RAPGEF1: variants seen among roughly 807,000 people sequenced by gnomAD.
The protein encoded by RAPGEF1 is CRK SH3-binding GNRP.
A neutral mutation model predicts 143.3 loss-of-function variants in RAPGEF1; 33 were observed. The ratio of observed to expected loss-of-function variants is 0.23; its 90% confidence interval spans 0.17 to 0.31. The LOEUF is 0.31. Among genes scored for constraint, RAPGEF1 ranks in the 10% least tolerant of loss-of-function variants. The pLI, the probability that RAPGEF1 is intolerant of heterozygous loss-of-function variation, is 1.00. For synonymous variants in RAPGEF1, 629 were observed against 676.5 expected, an observed-to-expected ratio of 0.93 and a Z score of 1.09; for missense variants, 1,199 against 1,645.4, an observed-to-expected ratio of 0.73 and a Z score of 4.69.
chr9:131,688,449 C>T (rs4740301), intron 1 of RAPGEF1, among the ~76,000 whole-genome samples: 5,441 of 152,284 alleles, frequency 0.036, 211 homozygotes, highest in East Asian at 0.089. Flanking sequence ...TGGTGGCATC[C>T]TTGACTCACT....
At chr9:131,611,797 G>A (rs74682100) in intron 12 of RAPGEF1, among the ~76,000 whole-genome samples, 35 of 152,208 alleles carry the variant, frequency 2.3e-4, no homozygotes, top group Admixed American at 1.6e-3. Flanking sequence ...GCCTCTCAAC[G>A]TCCAGCCTAC....
intron 12 of RAPGEF1, among the ~76,000 whole-genome samples, chr9:131,616,288 A>G (rs981437498): frequency 4.6e-5 from 7 of 152,002 alleles, no homozygotes; most frequent in Non-Finnish European, 1.0e-4. Flanking sequence ...CAAAAAACCA[A>G]AAGCCATGAC....
intron 1 of RAPGEF1, among the ~76,000 whole-genome samples, chr9:131,684,045 A>T (rs1475937244): frequency 6.6e-6 from 1 of 152,238 alleles, no homozygotes; most frequent in Non-Finnish European, 1.5e-5. Flanking sequence ...TCACAATTTA[A>T]CCCATGTTAG....
At chr9:131,624,528 G>C (rs1564553581) in intron 10 of RAPGEF1, among the ~76,000 whole-genome samples, 1 of 152,218 alleles carries the variant, frequency 6.6e-6, no homozygotes, top group African/African-American at 2.4e-5. Context: ...TGTTCTAGGA[G>C]CTGGAAGGGT....
At chr9:131,613,274 G>A (rs1958335027) in intron 12 of RAPGEF1, among the ~76,000 whole-genome samples, 1 of 152,128 alleles carries the variant, frequency 6.6e-6, no homozygotes, top group Admixed American at 6.5e-5. Flanking sequence ...ACAGGGTTGT[G>A]CAGGAAGGAG....
intron 5 of RAPGEF1, among the ~76,000 whole-genome samples, chr9:131,636,979 A>G (rs1966530069): frequency 6.6e-6 from 1 of 152,162 alleles, no homozygotes; most frequent in Non-Finnish European, 1.5e-5. Flanking sequence ...TAATCCCAAC[A>G]TTTTGGGAGG....
At position 131,641,307 on chromosome 9, in the gene RAPGEF1, T is replaced by C. The variant is rs1360584236; in HGVS notation, c.494+1932A>G. 3.9e-5 allele frequency among the ~76,000 whole-genome samples: 6 copies of C among 152,256 alleles called. No homozygotes were observed. Among genetic ancestry groups the C allele is most frequent in the Admixed American group, 3.9e-4 (6 of 15,304 alleles). ...CCCCTCTCGTCCATGCTCTAGGACA[T>C]ATACCCTCTGCCCATGACTGCCCGA... is the stretch of plus-strand genomic sequence containing the variant. On this transcript the variant is annotated intron_variant, in intron 4 of 26. Coordinates refer to ENST00000683357, the MANE Select transcript of RAPGEF1 (RefSeq NM_001377935.1). This position sits in a 1 kb window ranked among gnomAD's most constrained non-coding sequence, Gnocchi z 4.6.
At chr9:131,618,446 T>C (rs1959534319) in intron 12 of RAPGEF1, among the ~76,000 whole-genome samples, 1 of 152,246 alleles carries the variant, frequency 6.6e-6, no homozygotes, top group South Asian at 2.1e-4. Flanking sequence ...AAGTTTTGGG[T>C]GGTTTGTTAT....
intron 12 of RAPGEF1, among the ~76,000 whole-genome samples, chr9:131,613,148 C>T (rs17148102): frequency 0.1 from 15,724 of 152,254 alleles, 1,032 homozygotes; most frequent in East Asian, 0.25. Flanking sequence ...GCTTTTCATC[C>T]TTGTAACAAC....
At chr9:131,704,152 T>A (rs1343901143) in intron 1 of RAPGEF1, among the ~76,000 whole-genome samples, 1 of 151,780 alleles carries the variant, frequency 6.6e-6, no homozygotes, top group African/African-American at 2.4e-5. Flanking sequence ...ATTTGTCTTG[T>A]CTTACTTATT....
chr9:131,587,267 A>AACATACAC (rs1953283556), intron 22 of RAPGEF1, among the ~76,000 whole-genome samples: 1 of 66,098 alleles, frequency 1.5e-5, no homozygotes. Context: ...CTCCATCTCA[A>AACATACAC]ACACACACAC....
At chr9:131,632,133 C>CT (rs751438145) in intron 5 of RAPGEF1, among the ~76,000 whole-genome samples, 14,530 of 144,304 alleles carry the variant, frequency 0.1, 814 homozygotes, top group Middle Eastern at 0.27. Flanking sequence ...GAGACTCTCT[C>CT]TTTTTTTTTT....
intron 1 of RAPGEF1, among the ~76,000 whole-genome samples, chr9:131,716,748 G>A (rs1257073550): frequency 6.6e-5 from 10 of 152,130 alleles, no homozygotes; most frequent in African/African-American, 1.7e-4. Flanking sequence ...ACTCCAGCCC[G>A]GGTGACAGAG....
chr9:131,723,496 G>A (rs12683159), intron 1 of RAPGEF1, among the ~76,000 whole-genome samples: 55,644 of 152,068 alleles, frequency 0.37, 10,470 homozygotes, highest in East Asian at 0.53. Flanking sequence ...TTTGTCTAGC[G>A]TAGGCACCTC....
At chr9:131,698,979 C>G (rs1834415171) in intron 1 of RAPGEF1, among the ~76,000 whole-genome samples, 1 of 152,206 alleles carries the variant, frequency 6.6e-6, no homozygotes, top group Admixed American at 6.5e-5. Context: ...AGCTGATAAT[C>G]AGGACTTCTC....
chr9:131,644,573 T>C (rs1203169647), intron 3 of RAPGEF1, among the ~76,000 whole-genome samples: 2 of 151,992 alleles, frequency 1.3e-5, no homozygotes, highest in East Asian at 1.9e-4. Context: ...AGAAGATAAT[T>C]TCTAGAAAAA....
In RAPGEF1 at chr9:131,582,627, C is replaced by A; in HGVS notation, c.3490G>T (p.Glu1164Ter). The stretch of plus-strand genomic sequence containing the variant: ...CACAGGTACGGGATGCACGGCGGTT[C>A]CACCTCCGAGAGGGCGGCCCGGTAG... ...RAYRAALSEV[E>*]PPCIPYLGLI... Residue 1164 changes from glutamate to a stop codon, truncating the protein, a stop_gained, in exon 25 of 27, where the codon GAA (glutamate) becomes TAA (stop). Transcript: ENST00000683357. LOFTEE classifies it high-confidence loss of function. 6.5e-7 allele frequency: 1 copy of A among 1,531,562 alleles called. No individual in the cohort carries two copies. The highest frequency in any genetic ancestry group is 8.7e-7 in the Non-Finnish European group (1 of 1,149,680). The allele number at this position is 1,531,562 out of a possible 1,614,324, so 94.9% of individuals were successfully genotyped here.
At chr9:131,679,181 G>A (rs552002525) in intron 1 of RAPGEF1, among the ~76,000 whole-genome samples, 12 of 152,074 alleles carry the variant, frequency 7.9e-5, no homozygotes, top group Admixed American at 7.9e-4. Flanking sequence ...GGGGCCACAA[G>A]CAGCTGTACA....
At position 131,580,322 on chromosome 9, in the gene RAPGEF1, G is replaced by A. The variant is rs141308173; in HGVS notation, c.3582C>T (p.Asn1194=). The A allele has an allele frequency of 3.1e-6, 5 of 1,614,008 alleles. No homozygotes were observed. The Admixed American group carries it at 5.0e-5, about 16-fold the overall frequency. The part of the protein sequence containing the change: ...GNPDYIDGKV[N]FSKRWQQFNI... The stretch of plus-strand genomic sequence containing the variant: ...TGAACTGCTGCCACCGCTTGGAGAA[G>A]TTCACTTTCCCGTCGATGTAGTCTG... The change falls in exon 26 of 27, where the codon AAC becomes AAT. Residue 1194 remains asparagine (N), a synonymous_variant. Transcript: ENST00000683357.
Sources: allele counts gnomAD v4.1 joint callset (sites outside exome capture counted in the v4.1 genomes callset), GRCh38; gene constraint gnomAD v4.1.1; non-coding constraint Gnocchi (gnomAD v3.1); transcripts MANE v1.5; gene names NCBI Gene and HGNC (gene_info 2026-07-23, HGNC 2026-07-21).